The following APRT variants were observed in gnomAD, a reference collection of about 807,000 sequenced individuals.
The protein encoded by APRT is AMP diphosphorylase.
Under a neutral mutation model 21.0 loss-of-function variants are expected in APRT, and 25 were observed. That is an observed-to-expected ratio of 1.19 (90% confidence interval 0.87 to 1.66). APRT has a LOEUF of 1.66. Among genes scored for constraint, APRT ranks in the 40% most tolerant of loss-of-function variants. The pLI is 0.00. For missense variants in APRT, 294 were observed against 232.7 expected, an observed-to-expected ratio of 1.26 and a Z score of -1.72; for synonymous variants, 153 against 109.0, an observed-to-expected ratio of 1.40 and a Z score of -2.52.
At chr16:88,811,381 C>CG (rs1909131108) in intron 2 of APRT, 169 bp downstream of exon 2, 6 of 709,516 alleles carry the variant, frequency 8.5e-6, no homozygotes, top group East Asian at 2.9e-5. Context: ...GCGGCGGCCT[C>CG]GGGGGCTCAA....
At chr16:88,811,287 CAGGG>C (rs1597510201) in intron 2 of APRT, 16 of 561,008 alleles carry the variant, frequency 2.9e-5, no homozygotes, top group Non-Finnish European at 5.0e-5. Flanking sequence ...TTGGGCACTC[CAGGG>C]AGACCAACTG....
chr16:88,809,915 G>C lies in APRT; in HGVS notation c.401-75C>G, dbSNP rs763442250. The C allele has an allele frequency of 3.1e-6, 5 of 1,590,872 alleles. No individual in the cohort carries two copies. The African/African-American group carries it at 6.7e-5, about 21-fold the overall frequency. ...GGTGCTCCAGGCCAGCCCCTGGGTT[G>C]GGGAGGGGAAGGCATGGGGAGAGGA... On this transcript the variant is annotated intron_variant, in intron 4 of 4. Transcript: ENST00000378364.
chr16:88,811,516 G>A, intron 2 of APRT, 34 bp downstream of exon 2: 1 of 1,549,004 alleles, frequency 6.5e-7, no homozygotes, highest in Non-Finnish European at 8.7e-7. Flanking sequence ...GCGCAGAGGC[G>A]GAAGCGCCCT....
chr16:88,811,467 C>T, intron 2 of APRT, 83 bp downstream of exon 2: 1 of 1,414,568 alleles, frequency 7.1e-7, no homozygotes, highest in Non-Finnish European at 9.7e-7. Context: ...AGGCCCTCCC[C>T]CAAGCAGACG....
chr16:88,809,894 C>A (rs774970490), intron 4 of APRT, 54 bp from the exon 5 acceptor site: 2 of 1,599,820 alleles, frequency 1.3e-6, no homozygotes, highest in Non-Finnish European at 1.7e-6. Context: ...AGAGCAGGTG[C>A]TCCAGGCCAG....
At chr16:88,809,898 AG>A in intron 4 of APRT, 58 bp from the exon 5 acceptor site, 1 of 1,598,742 alleles carries the variant, frequency 6.3e-7, no homozygotes, top group Non-Finnish European at 8.5e-7. Flanking sequence ...CAGGTGCTCC[AG>A]GCCAGCCCCT....
rs373048958 is a variant in APRT at position 88,810,056 on chromosome 16, G to A, written c.400+14C>T. 1.4e-4 allele frequency: 223 copies of A among 1,612,608 alleles called. No homozygotes were observed. The highest frequency in any genetic ancestry group is 2.8e-4 in the African/African-American group (21 of 75,050). On this transcript the variant is annotated intron_variant, in intron 4 of 4. Coordinates refer to ENST00000378364, the MANE Select transcript of APRT (RefSeq NM_000485.3). ...CCTTGGAGCCACAGCAGTTGGCTGC[G>A]GGGAGACCCTTACCACCAGTGGCCA...
rs561477057 is a variant in APRT at position 88,809,519 on chromosome 16, G to A, written c.*179C>T. 4 of 986,804 alleles carry A rather than the reference G, an allele frequency of 4.1e-6. No individual in the cohort carries two copies. Among genetic ancestry groups the A allele is most frequent in the Admixed American group, 2.0e-5 (1 of 50,534 alleles). 61.1% of individuals were successfully genotyped at this position (986,804 alleles called of 1,614,324 possible). ...CTCCCGCTGTGTGTAATTGGGTTCA[G>A]TGTGGCTGAAACACAGCTTTGCCCC... On this transcript the variant is annotated 3_prime_UTR_variant, in exon 5 of 5. Coordinates refer to ENST00000378364, the MANE Select transcript of APRT (RefSeq NM_000485.3).
At position 88,811,647 on chromosome 16, in the gene APRT, C is replaced by T. The variant is rs8191472; in HGVS notation, c.90G>A (p.Ser30=). ...PTPGVVFRDI[S]PVLKDPASFR... is the part of the protein sequence containing the mutation. ...AGGAGGCGGGGTCCTTCAGGACGGG[C>T]GAGATGTCCCTGGACCCAAGGACAG... Residue 30 remains serine, a synonymous_variant, in exon 2 of 5, where the codon TCG becomes TCA. Transcript: ENST00000378364. 2 of 1,594,394 alleles carry T rather than the reference C, an allele frequency of 1.3e-6. No individual in the cohort carries two copies. The highest frequency in any genetic ancestry group is 1.3e-5 in the African/African-American group (1 of 74,298).
rs1909059557 is a variant in APRT, at chr16:88,810,113, T to C, written c.357A>G (p.Pro119=). Residue 119 remains proline (P), a synonymous_variant, in exon 4 of 5, where the codon CCA becomes CCG. Transcript: ENST00000378364. ...ELEIQKDALE[P]GQRVVVVDDL... is the part of the protein sequence containing the mutation. ...CATCCACGACGACCACCCTCTGTCC[T>C]GGCTCCAGGGCGTCTTTCTGAATCT... is the stretch of plus-strand genomic sequence containing the variant. 2 of 1,613,360 alleles carry C rather than the reference T, an allele frequency of 1.2e-6. No homozygotes were observed. Among genetic ancestry groups the C allele is most frequent in the Middle Eastern group, 1.7e-4 (1 of 6,060 alleles).
Position 88,809,857 on chromosome 16 carries a change from G to A in APRT, c.401-17C>T. ...TCATGGTTCCTGGGGATGGGAGGGTGAGGTCCCCAGTTGGCCTGGGCTGCA... is the reference window on the plus strand; with the variant it reads ...TCATGGTTCCTGGGGATGGGAGGGTAAGGTCCCCAGTTGGCCTGGGCTGCA... On this transcript the variant is annotated splice_polypyrimidine_tract_variant and intron_variant, in intron 4 of 4. Coordinates refer to ENST00000378364, the MANE Select transcript of APRT (RefSeq NM_000485.3). 1.9e-6 allele frequency: 3 copies of A among 1,609,068 alleles called. No individual in the cohort carries two copies. The highest frequency in any genetic ancestry group is 1.1e-5 in the South Asian group (1 of 91,018).
intron 2 of APRT, 134 bp from the exon 3 acceptor site, chr16:88,810,690 C>G: frequency 1.7e-6 from 2 of 1,201,568 alleles, no homozygotes; most frequent in Non-Finnish European, 2.3e-6. Context: ...GAATGTTACC[C>G]ATCACCTACC....
In APRT at chr16:88,810,367, A is replaced by C. The variant is rs765307269; in HGVS notation, c.321+56T>G. 5.3e-4 allele frequency: 854 copies of C among 1,603,788 alleles called. 2 individuals carry two copies. The highest frequency in any genetic ancestry group is 1.2e-3 in the Middle Eastern group (7 of 6,030). On this transcript the variant is annotated intron_variant, in intron 3 of 4. Transcript: ENST00000378364. ...TGGGAAGGCCTTTTAGAACTGGGGG[A>C]GAGTGGCCACGGTGGCCTGGCCCTG...
At position 88,809,554 on chromosome 16, in the gene APRT, C is replaced by A. The variant is rs756627246; in HGVS notation, c.*144G>T. ...AACACAGCTTTGCCCCAGGCTTTGG[C>A]ACTTCCAGCCCCAGGAGAGGCGCTG... is the stretch of plus-strand genomic sequence containing the variant. On this transcript the variant is annotated 3_prime_UTR_variant, in exon 5 of 5. Transcript: ENST00000378364. 18 of 1,339,182 alleles carry A rather than the reference C, an allele frequency of 1.3e-5. No individual in the cohort carries two copies. The South Asian group carries it at 2.1e-4, about 15-fold the overall frequency. 83.0% of individuals were successfully genotyped at this position (1,339,182 alleles called of 1,614,324 possible).
intron 2 of APRT, 42 bp from the exon 3 acceptor site, chr16:88,810,598 T>A: frequency 1.2e-6 from 2 of 1,603,432 alleles, no homozygotes; most frequent in Admixed American, 3.4e-5. Flanking sequence ...AGCATGGGAA[T>A]CCCCAGGGGC....
chr16:88,811,263 C>T (rs1005636907), intron 2 of APRT: 33 of 525,160 alleles, frequency 6.3e-5, no homozygotes, highest in Non-Finnish European at 8.7e-5. Flanking sequence ...GCAGCTGGGC[C>T]CTGTGGATTC....
chr16:88,810,473 TC>T lies in APRT; in HGVS notation c.270del (p.Lys91SerfsTer46), dbSNP rs761430319. The T allele has an allele frequency of 6.2e-7, 1 of 1,612,102 alleles. No homozygotes were observed. The highest frequency in any genetic ancestry group is 8.5e-7 in the Non-Finnish European group (1 of 1,179,878). On this transcript the variant is annotated frameshift_variant, in exon 3 of 5. Transcript: ENST00000378364. LOFTEE classifies it high-confidence loss of function. ...GLGCVLIRKR[G>X]KLPGPTLWAS... ...GCCCACAGAGTGGGGCCTGGCAGCT[TC>T]CCCCGCTTTCGGATGAGCACGCAGC... is the stretch of plus-strand genomic sequence containing the variant.
chr16:88,811,429 C>T (rs1051392502), intron 2 of APRT, 121 bp downstream of exon 2: 10 of 1,084,686 alleles, frequency 9.2e-6, no homozygotes, highest in Non-Finnish European at 1.2e-5. Flanking sequence ...GCACGGCGCC[C>T]GTCCCGGCGC....
Position 88,809,609 on chromosome 16 carries a change from G to C in APRT, c.*89C>G, listed in dbSNP as rs1332874360. 2.5e-6 allele frequency: 4 copies of C among 1,583,134 alleles called. No individual in the cohort carries two copies. Among genetic ancestry groups the C allele is most frequent in the South Asian group, 1.1e-5 (1 of 89,964 alleles). ...CCAGCAAAGGAATGTGTTCCCTGTG[G>C]GCAGCCGGTGCCCCTGGTCACTGCA... On this transcript the variant is annotated 3_prime_UTR_variant, in exon 5 of 5. Coordinates refer to ENST00000378364, the MANE Select transcript of APRT (RefSeq NM_000485.3).
Sources: allele counts gnomAD v4.1 joint callset, GRCh38; gene constraint gnomAD v4.1.1; transcripts MANE v1.5; gene names NCBI Gene and HGNC (gene_info 2026-07-23, HGNC 2026-07-21).